The following KIF21A variants were observed in gnomAD, a reference collection of about 807,000 sequenced individuals.
KIF21A encodes kinesin family member 21A, also known as kinesin-like protein KIF21A.
A neutral mutation model predicts 202.9 loss-of-function variants in KIF21A; 114 were observed. The ratio of observed to expected loss-of-function variants is 0.56; its 90% CI spans 0.48 to 0.66. The LOEUF is 0.66. Among genes scored for constraint, KIF21A ranks in the 30% least tolerant of loss-of-function variants. The probability of loss-of-function intolerance (pLI) is 0.00; values close to 1 mark genes in which losing one functional copy is unlikely to be tolerated. For synonymous variants in KIF21A, 667 were observed against 670.8 expected (o/e 0.99, Z 0.09); for missense variants, 1,677 against 1,994.9 (o/e 0.84, Z 3.04).
chr12:39,304,677 TATGA>T, intron 35 of KIF21A, 140 bp downstream of exon 35: 2 of 612,422 alleles, frequency 3.3e-6, no homozygotes, highest in Admixed American at 5.7e-5. Context: ...AACCACTAAC[TATGA>T]ATGAGGAAAA....
Position 39,295,691 on chromosome 12 carries a change from T to TG in KIF21A, c.4932-1175dup, listed in dbSNP as rs1251051044. ...CTACATGCCAAGCATGCTTGGGATA[T>TG]GTTTTTTTTTTTTTTTTTTTTTTTT... On this transcript the variant is annotated intron_variant, in intron 37 of 37. Coordinates refer to ENST00000361418, the MANE Select transcript of KIF21A (RefSeq NM_001173464.2). 2.8e-3 allele frequency among the ~76,000 whole-genome samples: 385 copies of TG among 138,562 alleles called. 2 individuals are homozygous for TG. The highest frequency in any genetic ancestry group is 4.4e-3 in the Non-Finnish European group (286 of 65,060). The allele number at this position is 138,562 out of a possible 152,430, so 90.9% of individuals were successfully genotyped here.
intron 8 of KIF21A, 126 bp downstream of exon 8, chr12:39,358,052 A>G (rs969217270): frequency 8.6e-6 from 7 of 818,570 alleles, no homozygotes; most frequent in Non-Finnish European, 1.3e-5. Context: ...TACCTCCAAA[A>G]GGAAGGAGGA....
intron 1 of KIF21A, among the ~76,000 whole-genome samples, chr12:39,416,789 G>GTATATATATATGTATATATATATGTGTA (rs564459241): frequency 9.6e-6 from 1 of 104,616 alleles, no homozygotes; most frequent in Non-Finnish European, 1.8e-5. Flanking sequence ...ATATATATGT[G>GTATATATATATGTATATATATATGTGTA]TATATATATG....
intron 10 of KIF21A, among the ~76,000 whole-genome samples, chr12:39,352,547 T>C (rs780986642): frequency 1.2e-4 from 18 of 152,140 alleles, no homozygotes; most frequent in Non-Finnish European, 2.6e-4. Context: ...CCAGCGGACA[T>C]CAGTTGTCCT....
intron 26 of KIF21A, among the ~76,000 whole-genome samples, chr12:39,325,498 A>ATTTTTTTTTT (rs397714587): frequency 4.1e-5 from 5 of 121,444 alleles, no homozygotes; most frequent in Non-Finnish European, 6.6e-5. Context: ...CGCCCAGCTA[A>ATTTTTTTTTT]TTTTTTTTTT....
intron 1 of KIF21A, among the ~76,000 whole-genome samples, chr12:39,386,828 T>G (rs1950976957): frequency 6.6e-6 from 1 of 152,154 alleles, no homozygotes. Flanking sequence ...GCCAGGTTCT[T>G]CTATATTCCT....
At chr12:39,346,532 A>C (rs1592261105) in intron 11 of KIF21A, 28 bp from the exon 12 acceptor site, 2 of 1,427,922 alleles carry the variant, frequency 1.4e-6, no homozygotes, top group Non-Finnish European at 1.8e-6. Flanking sequence ...ACAGTATTGG[A>C]AGGCCAAGCC....
intron 1 of KIF21A, among the ~76,000 whole-genome samples, chr12:39,392,266 GAAGA>G (rs1951424038): frequency 6.6e-6 from 1 of 152,108 alleles, no homozygotes; most frequent in Non-Finnish European, 1.5e-5. Context: ...AGTGTGACAT[GAAGA>G]ATGAAAGAAA....
At chr12:39,411,351 A>G (rs11830661) in intron 1 of KIF21A, among the ~76,000 whole-genome samples, 89 of 152,282 alleles carry the variant, frequency 5.8e-4, no homozygotes, top group African/African-American at 2.0e-3. Flanking sequence ...CCCACCACAG[A>G]CCTAATAAAT....
At chr12:39,354,810 A>C (rs1565926356) in intron 10 of KIF21A, among the ~76,000 whole-genome samples, 1 of 152,180 alleles carries the variant, frequency 6.6e-6, no homozygotes, top group Non-Finnish European at 1.5e-5. Context: ...TGATACCTTT[A>C]TATTTAAGAA....
rs973015759 is a variant in KIF21A at position 39,342,195 on chromosome 12, T to C, written c.1713-71A>G. 3.2e-5 allele frequency: 33 copies of C among 1,046,668 alleles called. No individual in the cohort carries two copies. The African/African-American group carries it at 4.7e-4, about 15-fold the overall frequency. The allele number at this position is 1,046,668 out of a possible 1,614,324, so 64.8% of individuals were successfully genotyped here. On this transcript the variant is annotated intron_variant, in intron 12 of 37. Coordinates refer to ENST00000361418, the MANE Select transcript of KIF21A (RefSeq NM_001173464.2). Reference sequence around the variant, plus strand: ...ATTATTCACTTTTTCTCCCTCAGATTTTTAGAAGCCATCAATGATTTGTGA... The same window carrying C: ...ATTATTCACTTTTTCTCCCTCAGATCTTTAGAAGCCATCAATGATTTGTGA...
chr12:39,415,230 CTTTTTTTTT>C (rs1161997461), intron 1 of KIF21A, among the ~76,000 whole-genome samples: 5 of 55,432 alleles, frequency 9.0e-5, no homozygotes, highest in African/African-American at 2.4e-4. Flanking sequence ...GTAGAGAATG[CTTTTTTTTT>C]TTTTTTTTTT....
intron 7 of KIF21A, among the ~76,000 whole-genome samples, chr12:39,361,847 AAAAGGAT>A (rs761609028): frequency 6.6e-5 from 10 of 152,198 alleles, no homozygotes; most frequent in Non-Finnish European, 1.2e-4. Context: ...TTATAAACTT[AAAAGGAT>A]TTAATATTAT....
intron 1 of KIF21A, among the ~76,000 whole-genome samples, chr12:39,399,152 G>GA (rs1369428764): frequency 6.6e-6 from 1 of 152,200 alleles, no homozygotes; most frequent in Non-Finnish European, 1.5e-5. Context: ...CAAGGATGTC[G>GA]AGGCTACAGT....
chr12:39,302,495 C>T (rs1418992985), intron 36 of KIF21A, among the ~76,000 whole-genome samples: 1 of 152,202 alleles, frequency 6.6e-6, no homozygotes, highest in Non-Finnish European at 1.5e-5. Flanking sequence ...TTTATTGACA[C>T]ATCACTTCAA....
At position 39,441,676 on chromosome 12, in the gene KIF21A, A is replaced by AAAAAAAAAAAAAAAC. The variant is rs1041857523; in HGVS notation, c.44+1250_44+1251insGTTTTTTTTTTTTTT. ...CCTGGGTGGTAAAAAAAAAAAAAAA[A>AAAAAAAAAAAAAAAC]AAAACACTTAAAAACTCATTTTATT... On this transcript the variant is annotated intron_variant, in intron 1 of 37. Transcript: ENST00000361418. Among the ~76,000 whole-genome samples, 543 of 137,258 alleles carry AAAAAAAAAAAAAAAC rather than the reference A, an allele frequency of 4.0e-3. 22 individuals are homozygous for AAAAAAAAAAAAAAAC. The highest frequency in any genetic ancestry group is 0.014 in the African/African-American group (511 of 35,690). 90.0% of individuals were successfully genotyped at this position (137,258 alleles called of 152,430 possible). A position where few individuals can be genotyped will look rare whatever the true frequency, so the allele number is the denominator to read the frequency against.
At chr12:39,434,638 G>A (rs1467460988) in intron 1 of KIF21A, among the ~76,000 whole-genome samples, 1 of 152,116 alleles carries the variant, frequency 6.6e-6, no homozygotes, top group Non-Finnish European at 1.5e-5. Flanking sequence ...ATAGCACATT[G>A]CCTTCAATTA....
At chr12:39,356,103 T>A (rs1043059352) in intron 10 of KIF21A, among the ~76,000 whole-genome samples, 4 of 152,204 alleles carry the variant, frequency 2.6e-5, no homozygotes, top group African/African-American at 9.7e-5. Context: ...AATAGCTCAG[T>A]CATCACGGGA....
chr12:39,437,376 T>G (rs1374387775), intron 1 of KIF21A, among the ~76,000 whole-genome samples: 1 of 152,208 alleles, frequency 6.6e-6, no homozygotes, highest in Non-Finnish European at 1.5e-5. Context: ...ATCTGAAGAA[T>G]GACTATCAAC....
Sources: allele counts gnomAD v4.1 joint callset (sites outside exome capture counted in the v4.1 genomes callset), GRCh38; gene constraint gnomAD v4.1.1; transcripts MANE v1.5; gene names NCBI Gene and HGNC (gene_info 2026-07-23, HGNC 2026-07-21).